The following WDR18 variants were observed in gnomAD, a reference collection of about 807,000 sequenced individuals.
WDR18 encodes WD repeat domain 18.
In WDR18, 33 loss-of-function variants were observed where a neutral mutation model predicts 49.6. The ratio of observed to expected loss-of-function variants is 0.67; its 90% CI spans 0.50 to 0.89. WDR18 has a LOEUF of 0.89. Ranked by LOEUF, WDR18 falls within the 40% of genes least tolerant of loss-of-function variation. WDR18 has a pLI of 0.00. For synonymous variants in WDR18, 315 were observed against 263.6 expected (o/e 1.19, Z -1.89); for missense variants, 653 against 593.6 (o/e 1.10, Z -1.04).
intron 8 of WDR18, 145 bp from the exon 9 acceptor site, chr19:993,875 C>T (rs1040445886): frequency 3.5e-5 from 31 of 882,072 alleles, no homozygotes; most frequent in East Asian, 5.3e-5. Context: ...TGAACGCCCC[C>T]GTCTCAGTCT....
chr19:989,990 C>T (rs1015604742), intron 3 of WDR18, 95 bp downstream of exon 3: 2 of 1,503,704 alleles, frequency 1.3e-6, no homozygotes, highest in Admixed American at 2.2e-5. Context: ...AGGGGCTTCT[C>T]TCTTGGGGGC....
upstream of WDR18, chr19:984,330 G>C: frequency 6.4e-7 from 1 of 1,569,388 alleles, no homozygotes; most frequent in Non-Finnish European, 8.6e-7. Context: ...GATGACGCAC[G>C]TCCGGGGCGG....
chr19:994,426 C>G lies in WDR18; in HGVS notation c.*82C>G. 1 of 1,516,314 alleles carries G rather than the reference C, an allele frequency of 6.6e-7. No individual in the cohort carries two copies. The highest frequency in any genetic ancestry group is 8.8e-7 in the Non-Finnish European group (1 of 1,131,558). 93.9% of individuals were successfully genotyped at this position (1,516,314 alleles called of 1,614,324 possible). A position where few individuals can be genotyped will look rare whatever the true frequency, so the allele number is the denominator to read the frequency against. ...CAGGGCCCGCGGGTGTGGCCCCCAC[C>G]AGCCCAGGCCTGGACTCTCCTCAGT... On this transcript the variant is annotated 3_prime_UTR_variant, in exon 10 of 10. Transcript: ENST00000585809.
At position 989,825 on chromosome 19, in the gene WDR18, T is replaced by C; in HGVS notation, c.385T>C (p.Phe129Leu). ...RHYQDVSCLQ[F>L]TGDSSHFISG... Reference sequence around the variant, plus strand: ...CTACCAGGACGTCTCCTGCCTTCAGTTCACAGGGGACAGCAGCCACTTCAT... The same window carrying C: ...CTACCAGGACGTCTCCTGCCTTCAGCTCACAGGGGACAGCAGCCACTTCAT... Residue 129 changes from phenylalanine to leucine, a missense_variant, in exon 3 of 10, where the codon TTC (phenylalanine) becomes CTC (leucine). Physicochemically the swap from Phe to Leu is conservative, Grantham distance 22. Transcript: ENST00000585809. The C allele has an allele frequency of 2.5e-6, 4 of 1,612,714 alleles. No homozygotes were observed. The highest frequency in any genetic ancestry group is 3.4e-6 in the Non-Finnish European group (4 of 1,179,802).
At chr19:983,120 G>A (rs1160812438), upstream of WDR18, among the ~76,000 whole-genome samples, 5 of 152,196 alleles carry the variant, frequency 3.3e-5, no homozygotes, top group Non-Finnish European at 7.3e-5. Context: ...CTTTTTAAGG[G>A]GTTGGCAACT....
At chr19:984,866 G>A (rs1413475184) in intron 1 of WDR18, among the ~76,000 whole-genome samples, 2 of 152,284 alleles carry the variant, frequency 1.3e-5, no homozygotes, top group Admixed American at 1.3e-4. Context: ...CTTGGAGCGC[G>A]AAATTTGATT....
chr19:990,511 C>T lies in WDR18; in HGVS notation c.597+147C>T, dbSNP rs1021010711. 14 of 1,217,886 alleles carry T rather than the reference C, an allele frequency of 1.1e-5. 1 individual carries two copies. The African/African-American group carries it at 1.7e-4, about 15-fold the overall frequency. The allele number at this position is 1,217,886 out of a possible 1,614,324, so 75.4% of individuals were successfully genotyped here. On this transcript the variant is annotated intron_variant, in intron 4 of 9. Coordinates refer to ENST00000585809, the MANE Select transcript of WDR18 (RefSeq NM_024100.4). ...TCCCCTGGTGCTCTGAGCCCAAGGA[C>T]GTCCAGGGAGGTCTGCCAGCCTGGA...
At chr19:992,787 T>TGGGG (rs2038577352) in intron 8 of WDR18, among the ~76,000 whole-genome samples, 1 of 152,154 alleles carries the variant, frequency 6.6e-6, no homozygotes, top group South Asian at 2.1e-4. Context: ...GGCTTCCCAG[T>TGGGG]GTGTTTCCGC....
intron 1 of WDR18, 32 bp downstream of exon 1, chr19:984,595 TG>T: frequency 7.2e-7 from 1 of 1,392,514 alleles, no homozygotes; most frequent in South Asian, 1.6e-5. Flanking sequence ...GCTGGGGTCA[TG>T]GGGCGCCCGA....
chr19:984,962 G>C (rs938421427), intron 1 of WDR18, among the ~76,000 whole-genome samples: 2 of 152,114 alleles, frequency 1.3e-5, no homozygotes, highest in Non-Finnish European at 2.9e-5. Context: ...CCCATGAAGG[G>C]GTGGCGCAGG....
In WDR18 at chr19:994,108, G is replaced by A; in HGVS notation, c.1167+20G>A. On this transcript the variant is annotated intron_variant, in intron 9 of 9. Transcript: ENST00000585809. ...GAGAAGGTGGGCGGGGCCTCGGGAG[G>A]GGCGGGGCCTGAGGCTGGGGTCAGT... The A allele has an allele frequency of 6.4e-7, 1 of 1,551,434 alleles. No homozygotes were observed. Among genetic ancestry groups the A allele is most frequent in the Admixed American group, 1.9e-5 (1 of 52,122 alleles).
In WDR18 at chr19:984,469, CG is replaced by C; in HGVS notation, c.119del (p.Gly40AspfsTer47). 6.3e-7 allele frequency: 1 copy of C among 1,582,106 alleles called. No individual in the cohort carries two copies. The highest frequency in any genetic ancestry group is 2.4e-5 in the East Asian group (1 of 42,150). ...ANLLTYRGGQ[A>X]GPRGLALLNG... ...CTGCTCACCTACCGCGGCGGCCAGG[CG>C]GGACCCCGCGGCCTGGCGCTGCTCA... On this transcript the variant is annotated frameshift_variant, in exon 1 of 10. Transcript: ENST00000585809. LOFTEE classifies it high-confidence loss of function.
In WDR18 at chr19:994,231, G is replaced by A. The variant is rs1387789208; in HGVS notation, c.1186G>A (p.Asp396Asn). The A allele has an allele frequency of 6.2e-7, 1 of 1,605,686 alleles. No individual in the cohort carries two copies. The highest frequency in any genetic ancestry group is 8.5e-7 in the Non-Finnish European group (1 of 1,177,824). The change falls in exon 10 of 10, where the codon GAC becomes AAC. Residue 396 changes from aspartate to asparagine, a missense_variant. Coordinates refer to ENST00000585809, the MANE Select transcript of WDR18 (RefSeq NM_024100.4). ...CCCGCAGAGCGTGCTCGGCGGCCAG[G>A]ACCAGCTGCGCGTCCGTGTGACGGA... Reference protein sequence around the residue: ...TMEKSVLGGQDQLRVRVTELE... With the variant: ...TMEKSVLGGQNQLRVRVTELE...
chr19:991,287 C>G lies in WDR18; in HGVS notation c.867C>G (p.His289Gln). 6.4e-7 allele frequency: 1 copy of G among 1,564,892 alleles called. No homozygotes were observed. The highest frequency in any genetic ancestry group is 8.7e-7 in the Non-Finnish European group (1 of 1,154,174). Residue 289 changes from histidine to glutamine, a missense_variant, in exon 7 of 10, where the codon CAC becomes CAG. Transcript: ENST00000585809. ...TDGSVLLSGS[H>Q]DETVRLWDVQ... ...GCAGCGTGCTGCTCTCAGGCTCCCA[C>G]GACGAGACCGTGCGCCTCTGGGACG...
upstream of WDR18, among the ~76,000 whole-genome samples, chr19:983,885 A>C (rs1322848331): frequency 6.6e-6 from 1 of 152,054 alleles, no homozygotes; most frequent in East Asian, 1.9e-4. Flanking sequence ...ACAAAACTAA[A>C]TAAATAAGGA....
chr19:990,603 C>A, intron 4 of WDR18: 2 of 812,710 alleles, frequency 2.5e-6, no homozygotes, highest in Non-Finnish European at 3.7e-6. Context: ...GAGGTCATCA[C>A]TATGCTTGAG....
intron 9 of WDR18, 42 bp from the exon 10 acceptor site, chr19:994,171 C>T (rs1308128220): frequency 1.9e-6 from 3 of 1,568,124 alleles, no homozygotes; most frequent in South Asian, 1.2e-5. Flanking sequence ...CTCCAGCACA[C>T]CCCAGGCCAC....
chr19:986,121 GCCT>G, intron 2 of WDR18, 146 bp downstream of exon 2: 1 of 711,870 alleles, frequency 1.4e-6, no homozygotes, highest in Non-Finnish European at 2.3e-6. Context: ...TCACCCTGCT[GCCT>G]CCTTTCTCCA....
chr19:991,988 C>T lies in WDR18; in HGVS notation c.965C>T (p.Pro322Leu). 1 of 1,597,248 alleles carries T rather than the reference C, an allele frequency of 6.3e-7. No individual in the cohort carries two copies. The change falls in exon 8 of 10, where the codon CCC (proline) becomes CTC (leucine). Residue 322 changes from proline to leucine, a missense_variant. Physicochemically the swap from Pro to Leu is moderately conservative, Grantham distance 98. Coordinates refer to ENST00000585809, the MANE Select transcript of WDR18 (RefSeq NM_024100.4). ...ACCAATGCCGCCATCCTGCTGGCGC[C>T]CGTCAGCATGCTGAGCTCAGACTTC... ...PVTNAAILLA[P>L]VSMLSSDFRP...
Sources: allele counts gnomAD v4.1 joint callset (sites outside exome capture counted in the v4.1 genomes callset), GRCh38; gene constraint gnomAD v4.1.1; transcripts MANE v1.5; gene names NCBI Gene and HGNC (gene_info 2026-07-23, HGNC 2026-07-21).